The following TCF4 variants were observed in gnomAD, a reference collection of about 807,000 sequenced individuals.
The protein encoded by TCF4 is transcription factor 4.
A neutral mutation model predicts 82.1 loss-of-function variants in TCF4; 3 were observed. The ratio of observed to expected loss-of-function variants is 0.04; its 90% confidence interval spans 0.02 to 0.09. The LOEUF is 0.09. TCF4 is among the 10% of genes least tolerant of loss of function. TCF4 has a pLI of 1.00. For missense variants in TCF4, 518 were observed against 852.7 expected (o/e 0.61, Z 4.89); for synonymous variants, 276 against 309.6 (o/e 0.89, Z 1.14).
chr18:55,463,913 C>T (rs1044188861), intron 4 of TCF4, among the ~76,000 whole-genome samples, 163 bp downstream of exon 4: 14 of 144,742 alleles, frequency 9.7e-5, no homozygotes, highest in African/African-American at 2.8e-4. Context: ...CACATATATG[C>T]GTGTGTGTTT....
intron 3 of TCF4, among the ~76,000 whole-genome samples, chr18:55,517,268 C>G (rs777936912): frequency 1.3e-5 from 2 of 152,104 alleles, no homozygotes; most frequent in African/African-American, 4.8e-5. Flanking sequence ...CTCTTTTGTG[C>G]GGCTGGGTGA....
chr18:55,529,755 A>G (rs73481000), intron 3 of TCF4, among the ~76,000 whole-genome samples: 275 of 152,266 alleles, frequency 1.8e-3, no homozygotes, highest in African/African-American at 6.5e-3. Context: ...GTAAATTGCC[A>G]ATGTTTACTC....
Position 55,633,677 on chromosome 18 carries a change from A to G in TCF4, c.195+2026T>C, listed in dbSNP as rs536329212. 6.6e-6 allele frequency among the ~76,000 whole-genome samples: 1 copy of G among 152,174 alleles called. No individual in the cohort carries two copies. Among genetic ancestry groups the G allele is most frequent in the East Asian group, 1.9e-4 (1 of 5,178 alleles). Reference sequence around the variant, plus strand: ...TTTTTCTGTAAAGGGCCAGATAGCAAATTTTTTAAGCATTGCAGGCCATAT... The same window carrying G: ...TTTTTCTGTAAAGGGCCAGATAGCAGATTTTTTAAGCATTGCAGGCCATAT... On this transcript the variant is annotated intron_variant, in intron 1 of 20. Coordinates refer to the TCF4 transcript ENST00000398339. This position sits in a 1 kb window ranked among gnomAD's most constrained non-coding sequence, Gnocchi z 4.0.
intron 3 of TCF4, among the ~76,000 whole-genome samples, chr18:55,519,196 C>T (rs139027222): frequency 4.6e-5 from 7 of 152,038 alleles, no homozygotes; most frequent in Non-Finnish European, 8.8e-5. Context: ...CTTTGGGAGG[C>T]CCAAGGCATG....
At chr18:55,254,381 T>G in intron 15 of TCF4, 116 bp downstream of exon 15, 1 of 979,336 alleles carries the variant, frequency 1.0e-6, no homozygotes, top group Non-Finnish European at 1.6e-6. Context: ...TCATCGTATG[T>G]TAAGTGAATT....
At chr18:55,278,459 G>T (rs946563835) in intron 9 of TCF4, among the ~76,000 whole-genome samples, 1 of 152,220 alleles carries the variant, frequency 6.6e-6, no homozygotes. Context: ...CACATATCAG[G>T]ATGGAGCCCT....
At chr18:55,240,509 C>G (rs567158054) in intron 15 of TCF4, among the ~76,000 whole-genome samples, 2 of 152,286 alleles carry the variant, frequency 1.3e-5, no homozygotes, top group African/African-American at 4.8e-5. Flanking sequence ...GTGCAAAACA[C>G]CATTTAGTAC....
At chr18:55,544,658 A>G (rs2097190641) in intron 3 of TCF4, among the ~76,000 whole-genome samples, 1 of 152,198 alleles carries the variant, frequency 6.6e-6, no homozygotes, top group African/African-American at 2.4e-5. Flanking sequence ...AATAAAGACA[A>G]AACTCTGTAA....
intron 2 of TCF4, chr18:55,586,188 G>GCAA: frequency 1.5e-6 from 1 of 670,756 alleles, no homozygotes; most frequent in Non-Finnish European, 2.1e-6. Context: ...AGCAGCAGCA[G>GCAA]CAGCAGCAGC....
chr18:55,236,937 ACT>A (rs143038330), intron 15 of TCF4, among the ~76,000 whole-genome samples: 4,311 of 152,256 alleles, frequency 0.028, 94 homozygotes, highest in Non-Finnish European at 0.046. Flanking sequence ...AATCATTAAC[ACT>A]CTCAAGATTT....
intron 5 of TCF4, among the ~76,000 whole-genome samples, chr18:55,407,512 C>T (rs1031495201): frequency 1.2e-4 from 18 of 152,020 alleles, no homozygotes; most frequent in African/African-American, 4.1e-4. Context: ...CTGTCCAAAT[C>T]GAACCCGTCC....
intron 5 of TCF4, among the ~76,000 whole-genome samples, chr18:55,405,294 T>C (rs2094030657): frequency 6.6e-6 from 1 of 152,178 alleles, no homozygotes; most frequent in South Asian, 2.1e-4. Flanking sequence ...ATTACATCAC[T>C]TACTTTGATG....
chr18:55,476,454 T>TTTTTTTG (rs762160988), intron 3 of TCF4, among the ~76,000 whole-genome samples: 4,797 of 152,046 alleles, frequency 0.032, 93 homozygotes, highest in Non-Finnish European at 0.048. Flanking sequence ...GCCCTCGTTG[T>TTTTTTTG]TTTTTTGTTT....
chr18:55,362,436 A>AG (rs1482551366), intron 6 of TCF4, among the ~76,000 whole-genome samples: 1 of 131,004 alleles, frequency 7.6e-6, no homozygotes, highest in African/African-American at 2.9e-5. Context: ...GAAGGAAGGA[A>AG]AAAAAAAAAG....
At chr18:55,314,561 T>A (rs2073552439) in intron 8 of TCF4, among the ~76,000 whole-genome samples, 2 of 115,486 alleles carry the variant, frequency 1.7e-5, no homozygotes, top group Admixed American at 1.6e-4. Context: ...ACAGTATTTA[T>A]TCTCCTTAAA....
intron 6 of TCF4, among the ~76,000 whole-genome samples, chr18:55,380,021 ATG>A (rs958962537): frequency 6.6e-6 from 1 of 152,094 alleles, no homozygotes; most frequent in African/African-American, 2.4e-5. Context: ...CTACAGAGGT[ATG>A]TGTCACCACA....
chr18:55,419,314 T>C (rs1361450978), intron 5 of TCF4, among the ~76,000 whole-genome samples: 1 of 152,188 alleles, frequency 6.6e-6, no homozygotes, highest in Non-Finnish European at 1.5e-5. Flanking sequence ...TGTCATATCA[T>C]AGCAATACAA....
intron 15 of TCF4, among the ~76,000 whole-genome samples, chr18:55,235,749 A>G (rs1054888930): frequency 6.6e-6 from 1 of 152,234 alleles, no homozygotes; most frequent in African/African-American, 2.4e-5. Context: ...GCATTTACAC[A>G]GGACGGTGGG....
At chr18:55,500,408 T>C (rs2096685112) in intron 3 of TCF4, among the ~76,000 whole-genome samples, 1 of 152,208 alleles carries the variant, frequency 6.6e-6, no homozygotes, top group East Asian at 1.9e-4. Flanking sequence ...AAGTGTCCTC[T>C]AAGCACCCAC....
Sources: gnomAD v4.1 joint callset for allele counts (sites outside exome capture counted in the v4.1 genomes callset) on GRCh38, gnomAD v4.1.1 for gene constraint, Gnocchi (gnomAD v3.1) non-coding constraint, MANE v1.5 for transcripts, NCBI Gene and HGNC (gene_info 2026-07-23, HGNC 2026-07-21) for gene names.